NAV3: variants seen among roughly 807,000 people sequenced by gnomAD.
The protein encoded by NAV3 is neuron navigator 3, also known as pore membrane and/or filament interacting like protein 1.
Under a neutral mutation model 244.7 loss-of-function variants are expected in NAV3, and 87 were observed. The ratio of observed to expected loss-of-function variants is 0.36; its 90% CI spans 0.30 to 0.42. NAV3 has a LOEUF of 0.42. NAV3 is among the 20% of genes least tolerant of loss of function. NAV3 has a pLI of 1.00. For missense variants in NAV3, 2,663 were observed against 2,893.3 expected, an observed-to-expected ratio of 0.92 and a Z score of 1.83; for synonymous variants, 1,126 against 1,042.2, an observed-to-expected ratio of 1.08 and a Z score of -1.55.
At chr12:77,844,406 A>C (rs948010339) in intron 1 of NAV3, among the ~76,000 whole-genome samples, 1 of 152,202 alleles carries the variant, frequency 6.6e-6, no homozygotes, top group Admixed American at 6.5e-5. Context: ...CACATTGGTG[A>C]TTAAGTTTCA....
At chr12:78,155,419 A>G (rs1000807651) in intron 22 of NAV3, among the ~76,000 whole-genome samples, 3 of 151,998 alleles carry the variant, frequency 2.0e-5, no homozygotes, top group South Asian at 2.1e-4. Context: ...TATCCAGTTT[A>G]TCATTGGCAT....
In NAV3 at chr12:77,588,891, T is replaced by A. The variant is rs187317507; in HGVS notation, c.72+16625T>A. On this transcript the variant is annotated intron_variant, in intron 2 of 8. Transcript: ENST00000550042. ...TGAAATCCCTTTTGGTCTAGAGTTTTAGTGGGCTCTCTGCATACTGAGCAC... is the reference window on the plus strand; with the variant it reads ...TGAAATCCCTTTTGGTCTAGAGTTTAAGTGGGCTCTCTGCATACTGAGCAC... 1.8e-3 allele frequency among the ~76,000 whole-genome samples: 271 copies of A among 152,330 alleles called. 2 individuals carry two copies. Among genetic ancestry groups the A allele is most frequent in the African/African-American group, 6.2e-3 (256 of 41,574 alleles).
intron 1 of NAV3, among the ~76,000 whole-genome samples, chr12:77,843,199 G>A (rs1055050864): frequency 6.6e-6 from 1 of 151,918 alleles, no homozygotes; most frequent in African/African-American, 2.4e-5. Flanking sequence ...CCACACTTGT[G>A]TGTTGCCTTC....
At chr12:78,091,164 G>A (rs1330434835) in intron 12 of NAV3, among the ~76,000 whole-genome samples, 1 of 152,050 alleles carries the variant, frequency 6.6e-6, no homozygotes, top group African/African-American at 2.4e-5. Context: ...TATAATGTGC[G>A]ACTAAGGGTT....
chr12:78,137,169 T>C lies in NAV3; in HGVS notation c.4442-8T>C. ...AGAGTAATAGGCTCTGTGTGTTTTGTTTTTCAGTGAGCCCAACAAATTTGT... is the reference window on the plus strand; with the variant it reads ...AGAGTAATAGGCTCTGTGTGTTTTGCTTTTCAGTGAGCCCAACAAATTTGT... On this transcript the variant is annotated splice_polypyrimidine_tract_variant and splice_region_variant and intron_variant, in intron 18 of 39. Transcript: ENST00000397909. 1 of 1,607,172 alleles carries C rather than the reference T, an allele frequency of 6.2e-7. No homozygotes were observed. Among genetic ancestry groups the C allele is most frequent in the Non-Finnish European group, 8.5e-7 (1 of 1,176,702 alleles).
intron 23 of NAV3, among the ~76,000 whole-genome samples, chr12:78,165,715 A>T (rs933669253): frequency 7.9e-5 from 12 of 151,970 alleles, no homozygotes; most frequent in African/African-American, 2.9e-4. Flanking sequence ...ATTATGAAGA[A>T]GAAAAATGAA....
intron 10 of NAV3, among the ~76,000 whole-genome samples, chr12:78,050,355 A>G (rs565152525): frequency 6.6e-5 from 10 of 152,128 alleles, no homozygotes; most frequent in Non-Finnish European, 8.8e-5. Context: ...AACTACCACC[A>G]TCACTGTTAA....
chr12:77,583,071 T>C (rs1869442946), intron 2 of NAV3, among the ~76,000 whole-genome samples: 1 of 152,188 alleles, frequency 6.6e-6, no homozygotes, highest in African/African-American at 2.4e-5. Flanking sequence ...CATTTGTGTT[T>C]TTGCAAATGC....
chr12:77,987,272 C>T (rs1278340494), intron 5 of NAV3, among the ~76,000 whole-genome samples: 1 of 152,014 alleles, frequency 6.6e-6, no homozygotes, highest in Non-Finnish European at 1.5e-5. Flanking sequence ...TACAAGAGAA[C>T]GGAGTACAGC....
intron 9 of NAV3, among the ~76,000 whole-genome samples, chr12:78,044,490 G>C (rs1881425900): frequency 6.6e-6 from 1 of 151,982 alleles, no homozygotes; most frequent in Admixed American, 6.6e-5. Context: ...AGCTTTATGG[G>C]GATAGCATTG....
intron 2 of NAV3, among the ~76,000 whole-genome samples, chr12:77,592,028 C>T (rs1338728517): frequency 6.6e-6 from 1 of 151,802 alleles, no homozygotes; most frequent in Non-Finnish European, 1.5e-5. Flanking sequence ...AAATTCTGGG[C>T]CACTTAATGG....
chr12:78,074,709 C>T (rs1952955668), intron 12 of NAV3, among the ~76,000 whole-genome samples: 1 of 151,998 alleles, frequency 6.6e-6, no homozygotes, highest in African/African-American at 2.4e-5. Flanking sequence ...TGTCTCAAAA[C>T]AAACAAACAA....
At chr12:77,622,534 ATTTT>A (rs529338324) in intron 2 of NAV3, among the ~76,000 whole-genome samples, 10 of 90,714 alleles carry the variant, frequency 1.1e-4, no homozygotes, top group African/African-American at 3.3e-4. Flanking sequence ...ATCCATATGG[ATTTT>A]TTTTTTTTTT....
At position 77,735,154 on chromosome 12, in the gene NAV3, A is replaced by G. The variant is rs369233429; in HGVS notation, c.72+162888A>G. ...GTAAGTATTTATGTACAGTAGAATGAAGAGGATATTTAAAACTATAGGAAA... is the reference window on the plus strand; with the variant it reads ...GTAAGTATTTATGTACAGTAGAATGGAGAGGATATTTAAAACTATAGGAAA... On this transcript the variant is annotated intron_variant, in intron 2 of 8. Transcript: ENST00000550042. Among the ~76,000 whole-genome samples, 5 of 152,270 alleles carry G rather than the reference A, an allele frequency of 3.3e-5. No individual in the cohort carries two copies. In the East Asian group the frequency reaches 5.8e-4, roughly 18 times the overall value.
intron 2 of NAV3, among the ~76,000 whole-genome samples, chr12:77,693,120 C>A (rs1358614358): frequency 6.6e-6 from 1 of 152,078 alleles, no homozygotes; most frequent in African/African-American, 2.4e-5. Context: ...TAGTCAGTGC[C>A]AGTCCATGCA....
chr12:78,202,405 A>G (rs1959805985), intron 38 of NAV3, among the ~76,000 whole-genome samples: 1 of 152,112 alleles, frequency 6.6e-6, no homozygotes, highest in Non-Finnish European at 1.5e-5. Flanking sequence ...GAATCTTTGT[A>G]AAAACCTTGA....
intron 2 of NAV3, among the ~76,000 whole-genome samples, chr12:77,688,618 T>C (rs1049636910): frequency 2.0e-5 from 3 of 152,018 alleles, no homozygotes; most frequent in Non-Finnish European, 4.4e-5. Context: ...CAAATACCAG[T>C]GATCAAAGTA....
At chr12:78,160,410 T>TGTGTGTGTGTGCGTGC (rs1555184880) in intron 23 of NAV3, among the ~76,000 whole-genome samples, 59 of 127,940 alleles carry the variant, frequency 4.6e-4, no homozygotes, top group Non-Finnish European at 7.7e-4. Context: ...CGTGCGTGTG[T>TGTGTGTGTGTGCGTGC]GTGTGTGTGT....
intron 12 of NAV3, among the ~76,000 whole-genome samples, chr12:78,093,854 T>C (rs1336463938): frequency 6.6e-6 from 1 of 152,164 alleles, no homozygotes; most frequent in African/African-American, 2.4e-5. Flanking sequence ...TTTTTAGAGA[T>C]AGGGCCTCAC....
Sources: allele counts gnomAD v4.1 joint callset (sites outside exome capture counted in the v4.1 genomes callset), GRCh38; gene constraint gnomAD v4.1.1; transcripts MANE v1.5; gene names NCBI Gene and HGNC (gene_info 2026-07-23, HGNC 2026-07-21).